Variants in NDUFS4 observed in about 807,000 individuals in gnomAD.
The protein encoded by NDUFS4 is NADH:ubiquinone oxidoreductase subunit S4, also known as NADH dehydrogenase [ubiquinone] iron-sulfur protein 4, mitochondrial.
In NDUFS4, 28 loss-of-function variants were observed where a neutral mutation model predicts 24.3. That is an observed-to-expected ratio of 1.15 (90% CI 0.85 to 1.58). NDUFS4 has a LOEUF of 1.58. Ranked by LOEUF, NDUFS4 falls within the 40% of genes most tolerant of loss-of-function variation. The pLI is 0.00. For synonymous variants in NDUFS4, 93 were observed against 69.7 expected (o/e 1.34, Z -1.67); for missense variants, 223 against 207.9 (o/e 1.07, Z -0.45).
Position 53,580,689 on chromosome 5 carries a change from C to CTTCCTTTCCTTTCCT in NDUFS4, c.98+19942_98+19956dup, listed in dbSNP as rs543835770. Among the ~76,000 whole-genome samples the CTTCCTTTCCTTTCCT allele has an allele frequency of 4.1e-5, 6 of 147,828 alleles. No homozygotes were observed. In the South Asian group the frequency reaches 1.3e-3, roughly 32 times the overall value. ...TCTCTTTCTTTCTTTCTCTTTCGTC[C>CTTCCTTTCCTTTCCT]TTCCTTTCCTTTCCTTTCCTTTCCT... On this transcript the variant is annotated intron_variant, in intron 1 of 4. Transcript: ENST00000296684.
intron 1 of NDUFS4, chr5:53,573,531 AACTATCTCAATT>A: frequency 2.2e-6 from 1 of 446,860 alleles, no homozygotes; most frequent in Admixed American, 2.4e-5. Flanking sequence ...ATTTATGCCT[AACTATCTCAATT>A]TGGGGGAGCT....
At chr5:53,579,224 T>TTTA (rs2112425018) in intron 1 of NDUFS4, among the ~76,000 whole-genome samples, 1 of 152,372 alleles carries the variant, frequency 6.6e-6, no homozygotes, top group African/African-American at 2.4e-5. Flanking sequence ...CTATCATTGT[T>TTTA]TCTTAAGAGT....
intron 1 of NDUFS4, among the ~76,000 whole-genome samples, chr5:53,595,024 A>G (rs1046671681): frequency 6.6e-6 from 1 of 152,140 alleles, no homozygotes; most frequent in African/African-American, 2.4e-5. Flanking sequence ...TTTATTGAAT[A>G]GCCCACCTTT....
intron 4 of NDUFS4, among the ~76,000 whole-genome samples, chr5:53,660,715 C>G (rs1408828614): frequency 6.6e-6 from 1 of 152,132 alleles, no homozygotes; most frequent in Non-Finnish European, 1.5e-5. Context: ...GATAGTATCT[C>G]ATTGTGGTTT....
intron 4 of NDUFS4, among the ~76,000 whole-genome samples, chr5:53,681,048 C>G (rs1740648215): frequency 6.6e-6 from 1 of 152,012 alleles, no homozygotes; most frequent in African/African-American, 2.4e-5. Flanking sequence ...AACACAAATT[C>G]AAATTTAATG....
chr5:53,655,366 A>ATTTT (rs562996240), intron 3 of NDUFS4, among the ~76,000 whole-genome samples: 5 of 117,312 alleles, frequency 4.3e-5, no homozygotes, highest in African/African-American at 1.2e-4. Flanking sequence ...AGTTTTGCCT[A>ATTTT]TTTTTTTTTT....
chr5:53,669,698 G>A (rs1331211961), intron 4 of NDUFS4, among the ~76,000 whole-genome samples: 1 of 152,050 alleles, frequency 6.6e-6, no homozygotes, highest in Admixed American at 6.6e-5. Context: ...GGATAAATAA[G>A]GCATAGTTCT....
intron 1 of NDUFS4, among the ~76,000 whole-genome samples, chr5:53,578,766 T>A (rs1417895976): frequency 6.6e-6 from 1 of 152,200 alleles, no homozygotes; most frequent in Non-Finnish European, 1.5e-5. Context: ...TTTTGTAGCT[T>A]CTTTTCCTTT....
intron 4 of NDUFS4, among the ~76,000 whole-genome samples, chr5:53,674,057 G>A (rs569502147): frequency 1.3e-5 from 2 of 152,134 alleles, no homozygotes; most frequent in Non-Finnish European, 2.9e-5. Flanking sequence ...TATAATAAAA[G>A]ACAGTTAAAA....
chr5:53,581,267 C>T (rs1749560143), intron 1 of NDUFS4, among the ~76,000 whole-genome samples: 1 of 152,182 alleles, frequency 6.6e-6, no homozygotes, highest in South Asian at 2.1e-4. Context: ...TATTCATTTT[C>T]CTAACTCTGA....
intron 2 of NDUFS4, among the ~76,000 whole-genome samples, chr5:53,605,945 C>G (rs1279045773): frequency 2.0e-5 from 3 of 147,196 alleles, no homozygotes; most frequent in Non-Finnish European, 4.5e-5. Context: ...ACCTGGGAGG[C>G]AGAGCTTGCA....
chr5:53,642,095 C>CA (rs775001641), intron 2 of NDUFS4, among the ~76,000 whole-genome samples: 3 of 152,078 alleles, frequency 2.0e-5, no homozygotes, highest in East Asian at 3.9e-4. Context: ...TCCCAAAGTG[C>CA]AAAAACCTTA....
intron 1 of NDUFS4, among the ~76,000 whole-genome samples, chr5:53,588,279 G>T (rs1472798845): frequency 6.6e-6 from 1 of 152,164 alleles, no homozygotes; most frequent in East Asian, 1.9e-4. Flanking sequence ...AGCCTTCAGT[G>T]GGGTTCTCTT....
At chr5:53,629,386 C>A (rs1214331358) in intron 2 of NDUFS4, among the ~76,000 whole-genome samples, 4 of 152,124 alleles carry the variant, frequency 2.6e-5, no homozygotes, top group Admixed American at 2.6e-4. Flanking sequence ...CTGTAGATGT[C>A]TATTAGGTCT....
intron 4 of NDUFS4, among the ~76,000 whole-genome samples, chr5:53,681,880 C>T (rs1170542364): frequency 6.6e-6 from 1 of 152,004 alleles, no homozygotes; most frequent in Admixed American, 6.6e-5. Context: ...AGTTGAGTTC[C>T]ATAGGCTTAA....
intron 4 of NDUFS4, among the ~76,000 whole-genome samples, chr5:53,663,664 TTTTTG>T (rs1333800230): frequency 6.6e-6 from 1 of 152,212 alleles, no homozygotes; most frequent in Non-Finnish European, 1.5e-5. Flanking sequence ...CCCTTGCCTT[TTTTTG>T]TTTTCCATTT....
In NDUFS4 at chr5:53,646,234, A is replaced by C; in HGVS notation, c.179A>C (p.Asp60Ala). 6.2e-7 allele frequency: 1 copy of C among 1,606,342 alleles called. No individual in the cohort carries two copies. Among genetic ancestry groups the C allele is most frequent in the Non-Finnish European group, 8.5e-7 (1 of 1,173,764 alleles). The stretch of plus-strand genomic sequence containing the variant: ...TTTTTTTTTCTTGTTTTTCTGTAGG[A>C]TATCACTACTTTAACTGGAGTTCCA... ...TQLITVDEKLDITTLTGVPEE... is the reference protein window; with the variant it reads ...TQLITVDEKLAITTLTGVPEE... Residue 60 changes from aspartate (D) to alanine (A), a missense_variant and splice_region_variant, in exon 3 of 5, where the codon GAT (aspartate) becomes GCT (alanine). Physicochemically the swap from Asp to Ala is moderately radical, Grantham distance 126. Transcript: ENST00000296684.
intron 1 of NDUFS4, among the ~76,000 whole-genome samples, chr5:53,583,826 C>T (rs1749653422): frequency 6.6e-6 from 1 of 152,180 alleles, no homozygotes; most frequent in Admixed American, 6.5e-5. Context: ...ATTTAAGCTA[C>T]TGGTTATGTG....
chr5:53,641,655 T>C (rs1306627689), intron 2 of NDUFS4, among the ~76,000 whole-genome samples: 1 of 152,186 alleles, frequency 6.6e-6, no homozygotes, highest in Non-Finnish European at 1.5e-5. Context: ...GTTTAAGTTC[T>C]TCCACAGTAA....
Sources: gnomAD v4.1 joint callset for allele counts (sites outside exome capture counted in the v4.1 genomes callset) on GRCh38, gnomAD v4.1.1 for gene constraint, MANE v1.5 for transcripts, NCBI Gene and HGNC (gene_info 2026-07-23, HGNC 2026-07-21) for gene names.